The following PI4KA variants were observed in gnomAD, a reference collection of about 807,000 sequenced individuals.
PI4KA encodes the protein phosphatidylinositol 4-kinase alpha, also known as PI4-kinase alpha.
A neutral mutation model predicts 271.4 loss-of-function variants in PI4KA; 122 were observed. The ratio of observed to expected loss-of-function variants is 0.45; its 90% CI spans 0.39 to 0.52. PI4KA has a LOEUF of 0.52. Ranked by LOEUF, PI4KA falls within the 20% of genes least tolerant of loss-of-function variation. The pLI is 0.00. For missense variants in PI4KA, 1,969 were observed against 2,769.1 expected, an observed-to-expected ratio of 0.71 and a Z score of 6.48; for synonymous variants, 1,041 against 1,078.8, an observed-to-expected ratio of 0.96 and a Z score of 0.69.
In PI4KA at chr22:20,834,359, G is replaced by A. The variant is rs187246745; in HGVS notation, c.367+203C>T. ...ATGCAATGGAAAGCTGGCCTACCCA[G>A]GCCTACCTTCTCCCCAACTCATCCA... On this transcript the variant is annotated intron_variant, in intron 3 of 54. Transcript: ENST00000255882. Among the ~76,000 whole-genome samples, 30 of 152,310 alleles carry A rather than the reference G, an allele frequency of 2.0e-4. 1 individual carries two copies. The highest frequency in any genetic ancestry group is 1.6e-3 in the Admixed American group (25 of 15,304).
intron 1 of PI4KA, among the ~76,000 whole-genome samples, 181 bp from the exon 2 acceptor site, chr22:20,838,912 T>G (rs903628150): frequency 6.6e-6 from 1 of 151,844 alleles, no homozygotes; most frequent in Non-Finnish European, 1.5e-5. Context: ...CCCTATCTCT[T>G]AAATAAATAA....
intron 3 of PI4KA, among the ~76,000 whole-genome samples, chr22:20,833,824 T>C (rs1406710862): frequency 6.6e-6 from 1 of 151,870 alleles, no homozygotes; most frequent in Non-Finnish European, 1.5e-5. Flanking sequence ...CATGCCCGGC[T>C]AATTTTTGTA....
At chr22:20,755,870 G>A (rs738059) in intron 23 of PI4KA, among the ~76,000 whole-genome samples, 69,476 of 151,700 alleles carry the variant, frequency 0.46, 16,504 homozygotes, top group African/African-American at 0.57. Flanking sequence ...CAGTGCAGAT[G>A]AAGAAACTGT....
At chr22:20,752,114 T>C (rs1930767122) in intron 25 of PI4KA, among the ~76,000 whole-genome samples, 1 of 152,140 alleles carries the variant, frequency 6.6e-6, no homozygotes, top group Admixed American at 6.5e-5. Context: ...AAAACAACAG[T>C]ATCTACCTGA....
chr22:20,747,362 T>TA, intron 29 of PI4KA: 2 of 444,056 alleles, frequency 4.5e-6, no homozygotes, highest in Non-Finnish European at 4.0e-6. Context: ...ATCCATAAAT[T>TA]TAAAAAAAAA....
Position 20,734,059 on chromosome 22 carries a change from T to C in PI4KA, c.4036A>G (p.Ile1346Val), listed in dbSNP as rs1277956074. The C allele has an allele frequency of 1.3e-6, 2 of 1,597,512 alleles. No individual in the cohort carries two copies. The highest frequency in any genetic ancestry group is 1.7e-6 in the Non-Finnish European group (2 of 1,172,912). Reference sequence around the variant, plus strand: ...GGCCCTCACTTGAAGCGGGGCCCGATGGCCGCCACGTGCCGGTTCATGCTC... The same window carrying C: ...GGCCCTCACTTGAAGCGGGGCCCGACGGCCGCCACGTGCCGGTTCATGCTC... ...KGSMNRHVAA[I>V]GPRFKLLTLG... is the part of the protein sequence containing the mutation. Residue 1346 changes from isoleucine (I) to valine (V), a missense_variant, in exon 34 of 55, where the codon ATC becomes GTC. By Grantham distance (29) the Ile-to-Val change is conservative. This residue lies in a region of PI4KA where 72 missense variants were observed against 103.1 expected (regional missense o/e 0.70). Coordinates refer to ENST00000255882, the MANE Select transcript of PI4KA (RefSeq NM_058004.4).
intron 2 of PI4KA, among the ~76,000 whole-genome samples, chr22:20,837,351 T>C (rs1165626629): frequency 6.6e-6 from 1 of 151,198 alleles, no homozygotes; most frequent in Non-Finnish European, 1.5e-5. Flanking sequence ...CACTCCAGCC[T>C]AGGCGATAGA....
chr22:20,843,407 T>C (rs1925842941), intron 1 of PI4KA, among the ~76,000 whole-genome samples: 1 of 141,206 alleles, frequency 7.1e-6, no homozygotes. Flanking sequence ...GGAAGATTGC[T>C]AGAGGATCGC....
chr22:20,831,336 G>C (rs539203998), intron 3 of PI4KA, among the ~76,000 whole-genome samples: 2 of 152,262 alleles, frequency 1.3e-5, no homozygotes, highest in South Asian at 2.1e-4. Flanking sequence ...TGAGGCTGAG[G>C]AGTGGGGGTC....
intron 23 of PI4KA, among the ~76,000 whole-genome samples, chr22:20,758,459 C>CTTTTTTTTTT (rs35401829): frequency 4.4e-3 from 376 of 84,778 alleles, no homozygotes; most frequent in East Asian, 8.1e-3. Flanking sequence ...TCTTTCTTTT[C>CTTTTTTTTTT]TTTTTTTTTT....
At chr22:20,838,983 A>T (rs1015307543) in intron 1 of PI4KA, among the ~76,000 whole-genome samples, 8 of 152,178 alleles carry the variant, frequency 5.3e-5, no homozygotes, top group Non-Finnish European at 1.2e-4. Context: ...TTGGGAGGCC[A>T]ATACAGGTGG....
intron 1 of PI4KA, among the ~76,000 whole-genome samples, chr22:20,858,225 C>CA (rs1478267012): frequency 6.6e-6 from 1 of 152,214 alleles, no homozygotes; most frequent in Non-Finnish European, 1.5e-5. Context: ...GTCCTCGGCT[C>CA]ATCCCACTGC....
intron 19 of PI4KA, among the ~76,000 whole-genome samples, chr22:20,784,611 G>A (rs758237018): frequency 6.6e-6 from 1 of 152,068 alleles, no homozygotes; most frequent in Non-Finnish European, 1.5e-5. Context: ...GATGCTGAGC[G>A]CCCCTCCCAG....
At chr22:20,739,019 A>G (rs6004106) in intron 32 of PI4KA, among the ~76,000 whole-genome samples, 56,065 of 123,582 alleles carry the variant, frequency 0.45, 13,458 homozygotes, top group African/African-American at 0.53. Flanking sequence ...TGGCTAACAA[A>G]GTCAGGAGAC....
At chr22:20,727,183 TC>T (rs534915708) in intron 41 of PI4KA, 46 bp downstream of exon 41, 1,362 of 1,570,854 alleles carry the variant, frequency 8.7e-4, no homozygotes, top group Non-Finnish European at 1.1e-3. Flanking sequence ...GTAAGACCCC[TC>T]CCAACAGTCC....
At chr22:20,818,378 C>A in intron 7 of PI4KA, 105 bp downstream of exon 7, 1 of 766,858 alleles carries the variant, frequency 1.3e-6, no homozygotes, top group African/African-American at 1.8e-5. Context: ...TAGGTCCATC[C>A]ATGACAACAG....
intron 19 of PI4KA, among the ~76,000 whole-genome samples, chr22:20,785,067 C>CTTTTTTTTTTTTTTTTTTTTTTTTTTTT (rs1555894632): frequency 7.4e-6 from 1 of 134,452 alleles, no homozygotes; most frequent in Admixed American, 7.6e-5. Context: ...GGGACTGCAT[C>CTTTTTTTTTTTTTTTTTTTTTTTTTTTT]TTTTTTTTTT....
chr22:20,847,021 G>A (rs950108929), intron 1 of PI4KA, among the ~76,000 whole-genome samples: 1 of 151,524 alleles, frequency 6.6e-6, no homozygotes, highest in African/African-American at 2.4e-5. Context: ...GGTGCAACGC[G>A]CCTGTAATCC....
intron 19 of PI4KA, chr22:20,779,832 C>T: frequency 1.2e-6 from 2 of 1,614,198 alleles, no homozygotes; most frequent in Non-Finnish European, 1.7e-6. Flanking sequence ...GGGAGAGACC[C>T]ATGAACAAGT....
Sources: allele counts gnomAD v4.1 joint callset (sites outside exome capture counted in the v4.1 genomes callset), GRCh38; gene constraint gnomAD v4.1.1; regional missense constraint gnomAD v4.1.1; transcripts MANE v1.5; gene names NCBI Gene and HGNC (gene_info 2026-07-23, HGNC 2026-07-21).